SNAP91: variants seen among roughly 807,000 people sequenced by gnomAD.
SNAP91 encodes the protein clathrin coat assembly protein AP180.
In SNAP91, 27 loss-of-function variants were observed where a neutral mutation model predicts 100.3. The ratio of observed to expected loss-of-function variants is 0.27; its 90% confidence interval spans 0.20 to 0.37. The LOEUF (loss-of-function observed/expected upper bound fraction) is 0.37. SNAP91 is among the 10% of genes least tolerant of loss of function. SNAP91 has a pLI of 1.00. For missense variants in SNAP91, 986 were observed against 1,123.7 expected, an observed-to-expected ratio of 0.88 and a Z score of 1.75; for synonymous variants, 404 against 398.6, an observed-to-expected ratio of 1.01 and a Z score of -0.16.
chr6:83,555,342 A>G (rs537999860), intron 29 of SNAP91, among the ~76,000 whole-genome samples: 2 of 152,354 alleles, frequency 1.3e-5, no homozygotes, highest in East Asian at 3.9e-4. Flanking sequence ...GAGTCCAAAA[A>G]CACTGAGCCT....
At chr6:83,614,494 T>C (rs2096357398) in intron 11 of SNAP91, among the ~76,000 whole-genome samples, 1 of 152,186 alleles carries the variant, frequency 6.6e-6, no homozygotes, top group African/African-American at 2.4e-5. Context: ...CAATTTTAAG[T>C]AATTAATTTT....
At chr6:83,579,773 A>G (rs1825376749) in intron 24 of SNAP91, among the ~76,000 whole-genome samples, 1 of 152,096 alleles carries the variant, frequency 6.6e-6, no homozygotes, top group African/African-American at 2.4e-5. Flanking sequence ...TTAGATCATC[A>G]CGTAGTTTAC....
chr6:83,569,144 G>A (rs559923819), intron 26 of SNAP91, among the ~76,000 whole-genome samples: 2 of 152,232 alleles, frequency 1.3e-5, no homozygotes, highest in South Asian at 4.2e-4. Context: ...AAATAACTAT[G>A]CATAAGAGAG....
chr6:83,605,658 AT>A, intron 14 of SNAP91, 26 bp downstream of exon 14: 1 of 1,550,388 alleles, frequency 6.4e-7, no homozygotes, highest in Non-Finnish European at 8.7e-7. Context: ...GAATAGAGAA[AT>A]GGCAAGGTTG....
chr6:83,585,154 G>A (rs902984980), intron 22 of SNAP91, among the ~76,000 whole-genome samples: 16 of 152,270 alleles, frequency 1.1e-4, no homozygotes, highest in Admixed American at 3.3e-4. Flanking sequence ...TAGGGCCCTG[G>A]AATAGAGTTA....
chr6:83,569,691 C>G (rs1406629524), intron 26 of SNAP91, among the ~76,000 whole-genome samples: 1 of 152,054 alleles, frequency 6.6e-6, no homozygotes, highest in Non-Finnish European at 1.5e-5. Context: ...GTGGGAGGGC[C>G]TGGTGGGAGG....
intron 1 of SNAP91, chr6:83,708,337 C>T (rs1588467244): frequency 5.9e-6 from 1 of 168,926 alleles, no homozygotes; most frequent in Non-Finnish European, 1.2e-5. Context: ...CCCTGGGCGC[C>T]GCACCCACCG....
intron 2 of SNAP91, chr6:83,686,312 T>C: frequency 3.2e-6 from 1 of 312,842 alleles, no homozygotes; most frequent in Non-Finnish European, 4.7e-6. Flanking sequence ...AATGCTCATC[T>C]GAATAAGCTG....
intron 2 of SNAP91, among the ~76,000 whole-genome samples, chr6:83,698,281 C>T (rs1258355797): frequency 6.8e-6 from 1 of 148,018 alleles, no homozygotes; most frequent in East Asian, 2.0e-4. Context: ...CATCCTTCCA[C>T]TCATTTAGAT....
At chr6:83,567,602 C>A (rs1169002469) in intron 26 of SNAP91, among the ~76,000 whole-genome samples, 1 of 152,164 alleles carries the variant, frequency 6.6e-6, no homozygotes. Flanking sequence ...ATCTACTCAT[C>A]TGACAAAGGG....
rs1232297128 is a variant in SNAP91, at chr6:83,605,712, G to A, written c.1114C>T (p.Pro372Ser). 1 of 1,551,062 alleles carries A rather than the reference G, an allele frequency of 6.4e-7. No homozygotes were observed. The highest frequency in any genetic ancestry group is 2.4e-5 in the East Asian group (1 of 40,926). Residue 372 changes from proline (P) to serine (S), a missense_variant, in exon 14 of 30, where the codon CCT becomes TCT. Physicochemically the swap from Pro to Ser is moderately conservative, Grantham distance 74. Around this residue, in one of 4 missense-constraint regions of SNAP91, gnomAD observed 575 missense variants for 579.9 expected, o/e 0.99. Coordinates refer to ENST00000369694, the MANE Select transcript of SNAP91 (RefSeq NM_001242792.2). ...CCCCATGCAGTGGCTCCTCCAGCAG[G>A]TGGTGGTGGTGCTGGTGCTGCGGCT... Reference protein sequence around the residue: ...AAAAAPAPPPPAGGATAWGDL... With the variant: ...AAAAAPAPPPSAGGATAWGDL...
chr6:83,690,124 A>G (rs1350876880), intron 2 of SNAP91: 4 of 265,172 alleles, frequency 1.5e-5, no homozygotes, highest in Non-Finnish European at 2.4e-5. Context: ...TAAACACAGG[A>G]TAAAAGTGAG....
At chr6:83,579,165 G>A (rs1278657163) in intron 24 of SNAP91, among the ~76,000 whole-genome samples, 1 of 152,140 alleles carries the variant, frequency 6.6e-6, no homozygotes, top group African/African-American at 2.4e-5. Context: ...TTGGAAACAC[G>A]ATTGCTTCAA....
chr6:83,588,956 G>T (rs2093313735), intron 22 of SNAP91, among the ~76,000 whole-genome samples: 1 of 152,152 alleles, frequency 6.6e-6, no homozygotes, highest in Non-Finnish European at 1.5e-5. Flanking sequence ...CTGTGGCAGG[G>T]GATGGGATAC....
intron 7 of SNAP91, among the ~76,000 whole-genome samples, chr6:83,648,026 T>C (rs2098023392): frequency 6.6e-6 from 1 of 152,198 alleles, no homozygotes; most frequent in Non-Finnish European, 1.5e-5. Flanking sequence ...AATTCCAATA[T>C]GAGTTTTGGA....
chr6:83,593,714 G>A lies in SNAP91; in HGVS notation c.1460C>T (p.Ala487Val), dbSNP rs769834926. The A allele has an allele frequency of 5.6e-6, 9 of 1,598,946 alleles. No individual in the cohort carries two copies. Among genetic ancestry groups the A allele is most frequent in the Non-Finnish European group, 7.7e-6 (9 of 1,169,634 alleles). The change falls in exon 18 of 30, where the codon GCA becomes GTA. Residue 487 changes from alanine to valine, a missense_variant. Ala to Val is a moderately conservative substitution (Grantham distance 64). Around this residue, in one of 4 missense-constraint regions of SNAP91, gnomAD observed 575 missense variants for 579.9 expected, o/e 0.99. Transcript: ENST00000369694. ...GAGGTCCAGCTCAGGTGCAGCCTCT[G>A]CACTACCTTCAGACGGGGCAAAGGG... Reference protein sequence around the residue: ...NDPFAPSEGSAEAAPELDLFA... With the variant: ...NDPFAPSEGSVEAAPELDLFA...
At chr6:83,688,046 A>C (rs1187643664) in intron 2 of SNAP91, among the ~76,000 whole-genome samples, 1 of 151,770 alleles carries the variant, frequency 6.6e-6, no homozygotes, top group African/African-American at 2.4e-5. Context: ...ATGGAGGTTG[A>C]CTCCATTATG....
At chr6:83,558,020 A>G (rs550160310) in intron 28 of SNAP91, among the ~76,000 whole-genome samples, 18 of 152,158 alleles carry the variant, frequency 1.2e-4, no homozygotes, top group Middle Eastern at 3.4e-3. Context: ...TATGAATTCA[A>G]TTACTGATTG....
chr6:83,667,618 T>C (rs932780573), intron 2 of SNAP91, among the ~76,000 whole-genome samples: 2 of 152,036 alleles, frequency 1.3e-5, no homozygotes. Flanking sequence ...CTGTCCCAGT[T>C]GTAATTTTTA....
Sources: allele counts gnomAD v4.1 joint callset (sites outside exome capture counted in the v4.1 genomes callset), GRCh38; gene constraint gnomAD v4.1.1; regional missense constraint gnomAD v4.1.1; transcripts MANE v1.5; gene names NCBI Gene and HGNC (gene_info 2026-07-23, HGNC 2026-07-21).